The following CENPP variants were observed in gnomAD, a reference collection of about 807,000 sequenced individuals.
CENPP encodes centromere protein P.
CENPP carries 24 observed loss-of-function variants against 35.6 expected under a neutral mutation model. The ratio of observed to expected loss-of-function variants is 0.67; its 90% CI spans 0.49 to 0.95. The LOEUF (loss-of-function observed/expected upper bound fraction) is 0.95, where lower values mean the gene tolerates loss of function less well. Ranked by LOEUF, CENPP falls within the 40% of genes least tolerant of loss-of-function variation. The pLI is 0.00. For synonymous variants in CENPP, 120 were observed against 125.5 expected (o/e 0.96, Z 0.29); for missense variants, 332 against 345.3 (o/e 0.96, Z 0.31).
At chr9:92,446,787 G>A (rs1460804794) in intron 5 of CENPP, among the ~76,000 whole-genome samples, 2 of 148,890 alleles carry the variant, frequency 1.3e-5, no homozygotes, top group Non-Finnish European at 3.0e-5. Context: ...GACCAAGCTG[G>A]GCAACAGAGT....
chr9:92,572,272 A>G (rs1158180221), intron 5 of CENPP, among the ~76,000 whole-genome samples: 1 of 152,152 alleles, frequency 6.6e-6, no homozygotes, highest in African/African-American at 2.4e-5. Context: ...GAGCTCTTGT[A>G]AGGCAGGCCT....
At chr9:92,592,410 C>G (rs1850687652) in intron 5 of CENPP, among the ~76,000 whole-genome samples, 1 of 152,152 alleles carries the variant, frequency 6.6e-6, no homozygotes, top group Non-Finnish European at 1.5e-5. Flanking sequence ...TCTGTGCTGG[C>G]CTTCTTTTGC....
chr9:92,380,268 A>G (rs1223013648), intron 5 of CENPP, among the ~76,000 whole-genome samples: 1 of 152,214 alleles, frequency 6.6e-6, no homozygotes, highest in Non-Finnish European at 1.5e-5. Flanking sequence ...TTAAATACCA[A>G]AGCCTGATTC....
intron 2 of CENPP, among the ~76,000 whole-genome samples, chr9:92,333,771 G>A (rs537461251): frequency 6.6e-6 from 1 of 151,574 alleles, no homozygotes; most frequent in African/African-American, 2.4e-5. Context: ...ACTGTCACCC[G>A]GGCTGGAGTG....
chr9:92,403,263 C>T, intron 5 of CENPP: 2 of 1,597,688 alleles, frequency 1.3e-6, no homozygotes, highest in Non-Finnish European at 1.7e-6. Flanking sequence ...AGGTATTTAT[C>T]CTCATAATCT....
At chr9:92,524,459 C>T (rs1002494709) in intron 5 of CENPP, among the ~76,000 whole-genome samples, 3 of 152,206 alleles carry the variant, frequency 2.0e-5, no homozygotes, top group African/African-American at 7.2e-5. Flanking sequence ...GGTGTTGCAG[C>T]AGCTGTCATC....
chr9:92,430,387 CT>C (rs2130986020), intron 5 of CENPP, among the ~76,000 whole-genome samples: 1 of 149,578 alleles, frequency 6.7e-6, no homozygotes, highest in East Asian at 2.0e-4. Context: ...GCCATGAAGA[CT>C]TTTTGTTATG....
chr9:92,592,480 C>T (rs559026834), intron 5 of CENPP, among the ~76,000 whole-genome samples: 8 of 152,266 alleles, frequency 5.3e-5, no homozygotes, highest in East Asian at 1.9e-4. Context: ...CTGTAATTTT[C>T]GATCATTCAT....
chr9:92,385,586 G>A (rs1316948258), intron 5 of CENPP: 4 of 1,573,310 alleles, frequency 2.5e-6, no homozygotes, highest in Admixed American at 1.7e-5. Flanking sequence ...ATTAGTGTAG[G>A]TGTACTTTCA....
chr9:92,407,868 G>A (rs907594354), intron 5 of CENPP, among the ~76,000 whole-genome samples: 3 of 152,142 alleles, frequency 2.0e-5, no homozygotes, highest in African/African-American at 7.2e-5. Flanking sequence ...CTTGGCCTCT[G>A]TGGAGTTCTT....
In CENPP at chr9:92,612,413, T is replaced by C. The variant is rs574318619; in HGVS notation, c.645-110T>C. 1,319 of 805,740 alleles carry C rather than the reference T, an allele frequency of 1.6e-3. 3 individuals are homozygous for C. Among genetic ancestry groups the C allele is most frequent in the Middle Eastern group, 7.7e-3 (34 of 4,434 alleles). The allele number at this position is 805,740 out of a possible 1,614,324, so 49.9% of individuals were successfully genotyped here. On this transcript the variant is annotated intron_variant, in intron 6 of 7. Coordinates refer to ENST00000375587, the MANE Select transcript of CENPP (RefSeq NM_001012267.3). ...CTTCTTGGCTGTGGATTGGGGTTTCTAGCAGGGGAGCCCAGCATGGGGAAA... is the reference window on the plus strand; with the variant it reads ...CTTCTTGGCTGTGGATTGGGGTTTCCAGCAGGGGAGCCCAGCATGGGGAAA...
chr9:92,543,777 T>A (rs2131312891), intron 5 of CENPP, among the ~76,000 whole-genome samples: 1 of 152,246 alleles, frequency 6.6e-6, no homozygotes, highest in South Asian at 2.1e-4. Flanking sequence ...TGGTTATGTT[T>A]ATTCTTAAGT....
chr9:92,510,095 A>G (rs1847245226), intron 5 of CENPP: 13 of 1,529,024 alleles, frequency 8.5e-6, no homozygotes, highest in Non-Finnish European at 1.1e-5. Context: ...GTCACATTTC[A>G]TATAATGGTC....
intron 5 of CENPP, chr9:92,385,514 T>G: frequency 1.2e-4 from 116 of 937,604 alleles, no homozygotes; most frequent in Non-Finnish European, 1.6e-4. Flanking sequence ...TCCTTCAAAA[T>G]GAGATACAAG....
At chr9:92,491,752 G>A (rs143942793) in intron 5 of CENPP, among the ~76,000 whole-genome samples, 180 of 152,184 alleles carry the variant, frequency 1.2e-3, no homozygotes, top group African/African-American at 4.0e-3. Flanking sequence ...GATGTCTCTC[G>A]TATCTGTGCT....
chr9:92,562,226 T>A (rs1340496364), intron 5 of CENPP, among the ~76,000 whole-genome samples: 1 of 147,838 alleles, frequency 6.8e-6, no homozygotes, highest in Non-Finnish European at 1.5e-5. Context: ...TTTTTTGAGA[T>A]GGAGTTTTGC....
intron 1 of CENPP, among the ~76,000 whole-genome samples, chr9:92,330,638 G>A (rs1281620717): frequency 2.7e-5 from 4 of 150,018 alleles, no homozygotes; most frequent in African/African-American, 7.3e-5. Context: ...ACAATTATTA[G>A]CTAAAATTTC....
At chr9:92,595,568 G>T (rs1389398602) in intron 5 of CENPP, among the ~76,000 whole-genome samples, 1 of 149,804 alleles carries the variant, frequency 6.7e-6, no homozygotes, top group Non-Finnish European at 1.5e-5. Flanking sequence ...TTTTTGTTTT[G>T]TTTTTTGTTT....
intron 5 of CENPP, among the ~76,000 whole-genome samples, chr9:92,394,900 C>A (rs913756574): frequency 2.0e-5 from 3 of 152,112 alleles, no homozygotes; most frequent in Non-Finnish European, 4.4e-5. Flanking sequence ...AGCCACCACG[C>A]CCGGCCTATT....
Sources: gnomAD v4.1 joint callset for allele counts (sites outside exome capture counted in the v4.1 genomes callset) on GRCh38, gnomAD v4.1.1 for gene constraint, MANE v1.5 for transcripts, NCBI Gene and HGNC (gene_info 2026-07-23, HGNC 2026-07-21) for gene names.